The following FBLN2 variants were observed in gnomAD, a reference collection of about 807,000 sequenced individuals.
FBLN2 encodes the protein fibulin-2.
In FBLN2, 81 loss-of-function variants were observed where a neutral mutation model predicts 123.7. The observed-to-expected ratio is 0.65, with a 90% CI of 0.55 to 0.79. The LOEUF is 0.79. Ranked by LOEUF, FBLN2 falls within the 30% of genes least tolerant of loss-of-function variation. The pLI, the probability that FBLN2 is intolerant of heterozygous loss-of-function variation, is 0.00. For missense variants in FBLN2, 1,603 were observed against 1,681.3 expected (o/e 0.95, Z 0.81); for synonymous variants, 699 against 701.4 (o/e 1.00, Z 0.05).
intron 1 of FBLN2, among the ~76,000 whole-genome samples, chr3:13,552,425 A>G (rs943131290): frequency 3.9e-5 from 6 of 152,010 alleles, no homozygotes; most frequent in East Asian, 3.9e-4. Context: ...CGTAAACACC[A>G]TGCATGGCTT....
chr3:13,631,556 C>A (rs1706259734), intron 16 of FBLN2, 99 bp downstream of exon 16: 2 of 1,369,682 alleles, frequency 1.5e-6, no homozygotes, highest in East Asian at 2.5e-5. Flanking sequence ...CACTTGGAGC[C>A]CCCACACCCA....
At chr3:13,578,285 C>G (rs1171873903) in intron 2 of FBLN2, among the ~76,000 whole-genome samples, 1 of 152,144 alleles carries the variant, frequency 6.6e-6, no homozygotes, top group Non-Finnish European at 1.5e-5. Flanking sequence ...GCAGACATCC[C>G]CAGAATCTAA....
chr3:13,576,719 A>AGCC (rs1455636369), intron 2 of FBLN2, among the ~76,000 whole-genome samples: 4 of 110,808 alleles, frequency 3.6e-5, no homozygotes, highest in African/African-American at 1.9e-4. Context: ...GGTCAGGGGG[A>AGCC]TCCCCCCCCC....
rs565943881 is a variant in FBLN2 at position 13,582,966 on chromosome 3, G to A, written c.1306+11305G>A. Reference sequence around the variant, plus strand: ...GGCCTGGCAGGGTTGGGCAGGGGCCGTTCCGCTGCTATGTTTGCCACTCCA... The same window carrying A: ...GGCCTGGCAGGGTTGGGCAGGGGCCATTCCGCTGCTATGTTTGCCACTCCA... On this transcript the variant is annotated intron_variant, in intron 2 of 17. Coordinates refer to ENST00000404922, the MANE Select transcript of FBLN2 (RefSeq NM_001004019.2). 1.1e-4 allele frequency among the ~76,000 whole-genome samples: 17 copies of A among 152,384 alleles called. 1 individual carries two copies. In the South Asian group the frequency reaches 1.2e-3, roughly 11 times the overall value.
intron 2 of FBLN2, among the ~76,000 whole-genome samples, chr3:13,589,200 G>T (rs1005905593): frequency 5.9e-5 from 9 of 152,202 alleles, no homozygotes; most frequent in African/African-American, 1.4e-4. Flanking sequence ...TTTGCATAGA[G>T]TTGGCCCCTA....
chr3:13,570,202 G>A, intron 1 of FBLN2, 113 bp from the exon 2 acceptor site: 2 of 1,155,004 alleles, frequency 1.7e-6, no homozygotes, highest in South Asian at 3.4e-5. Context: ...CTGGGGATGA[G>A]CGCATGCGTG....
chr3:13,618,129 G>A lies in FBLN2; in HGVS notation c.1783G>A (p.Glu595Lys), dbSNP rs772952388. ...GGCCCTGTCACTGGGCACAGAGGCCGAGCTGCCGAACAGCCTGCCGGGCGA... is the reference window on the plus strand; with the variant it reads ...GGCCCTGTCACTGGGCACAGAGGCCAAGCTGCCGAACAGCCTGCCGGGCGA... ...REALSLGTEA[E>K]LPNSLPGDDQ... Residue 595 changes from glutamate to lysine, a missense_variant, in exon 6 of 18, where the codon GAG becomes AAG. By Grantham distance (56) the Glu-to-Lys change is moderately conservative (BLOSUM62 1). Transcript: ENST00000404922. 1.8e-5 allele frequency: 29 copies of A among 1,613,506 alleles called. No individual in the cohort carries two copies. Among genetic ancestry groups the A allele is most frequent in the South Asian group, 3.3e-5 (3 of 91,090 alleles).
In FBLN2 at chr3:13,626,530, G is replaced by A. The variant is rs752447124; in HGVS notation, c.2382G>A (p.Lys794=). 1.1e-5 allele frequency: 17 copies of A among 1,557,634 alleles called. No individual in the cohort carries two copies. Among genetic ancestry groups the A allele is most frequent in the Non-Finnish European group, 1.1e-5 (13 of 1,150,582 alleles). The change falls in exon 10 of 18, where the codon AAG becomes AAA. Residue 794 remains lysine (K), a synonymous_variant. Transcript: ENST00000404922. The stretch of plus-strand genomic sequence containing the variant: ...CACTGGGCTCCTTCCACTGCTACAA[G>A]GCACTCACCTGTGAGCCAGGCTATG... ...VNTLGSFHCY[K]ALTCEPGYAL... is the part of the protein sequence containing the mutation.
intron 2 of FBLN2, among the ~76,000 whole-genome samples, chr3:13,572,174 T>A (rs977183625): frequency 4.6e-5 from 7 of 152,378 alleles, no homozygotes; most frequent in Admixed American, 4.6e-4. Flanking sequence ...CAGCAAATCC[T>A]AATCTCACAA....
intron 2 of FBLN2, among the ~76,000 whole-genome samples, chr3:13,583,720 T>C (rs1458307986): frequency 6.6e-6 from 1 of 152,254 alleles, no homozygotes; most frequent in Non-Finnish European, 1.5e-5. Context: ...AAGGACGTTT[T>C]GGTCAGTGAT....
chr3:13,620,700 T>C (rs1705819459), intron 8 of FBLN2, among the ~76,000 whole-genome samples: 1 of 151,728 alleles, frequency 6.6e-6, no homozygotes, highest in African/African-American at 2.4e-5. Flanking sequence ...GTATGCAGAG[T>C]CTAGGAAGTA....
At chr3:13,606,248 A>C (rs934624973) in intron 2 of FBLN2, among the ~76,000 whole-genome samples, 2 of 152,142 alleles carry the variant, frequency 1.3e-5, no homozygotes, top group African/African-American at 4.8e-5. Context: ...AATTTTCAGG[A>C]GTTTATTATG....
intron 14 of FBLN2, 106 bp downstream of exon 14, chr3:13,630,051 A>T: frequency 1.4e-6 from 2 of 1,464,740 alleles, no homozygotes; most frequent in Non-Finnish European, 1.8e-6. Context: ...TTACACCTTC[A>T]CCCTCACACC....
At chr3:13,582,273 G>A (rs1324190529) in intron 2 of FBLN2, among the ~76,000 whole-genome samples, 1 of 152,224 alleles carries the variant, frequency 6.6e-6, no homozygotes. Flanking sequence ...TCCTGAGGCT[G>A]AACCATGCCT....
chr3:13,617,001 T>C (rs780595443), intron 5 of FBLN2, among the ~76,000 whole-genome samples: 1 of 152,196 alleles, frequency 6.6e-6, no homozygotes, highest in Non-Finnish European at 1.5e-5. Context: ...TCTGAATCCA[T>C]TGTAACACTT....
At chr3:13,599,441 G>T (rs1704951532) in intron 2 of FBLN2, among the ~76,000 whole-genome samples, 1 of 152,228 alleles carries the variant, frequency 6.6e-6, no homozygotes, top group Non-Finnish European at 1.5e-5. Flanking sequence ...GTTAGAGAAA[G>T]GAGGTCAGGA....
chr3:13,610,778 G>A (rs1399493048), intron 4 of FBLN2, among the ~76,000 whole-genome samples: 3 of 152,058 alleles, frequency 2.0e-5, no homozygotes, highest in African/African-American at 4.8e-5. Flanking sequence ...AGGAGTGAGA[G>A]GCTCCATGGT....
chr3:13,574,067 C>T (rs542159559), intron 2 of FBLN2, among the ~76,000 whole-genome samples: 2 of 152,292 alleles, frequency 1.3e-5, no homozygotes, highest in African/African-American at 2.4e-5. Context: ...GTGAGGACTA[C>T]GCGGCTCAGC....
intron 7 of FBLN2, 66 bp from the exon 8 acceptor site, chr3:13,619,664 G>C: frequency 7.4e-7 from 1 of 1,349,706 alleles, no homozygotes; most frequent in Non-Finnish European, 1.0e-6. Context: ...CCAGGGATGG[G>C]GAATGAGCCA....
Sources: allele counts gnomAD v4.1 joint callset (sites outside exome capture counted in the v4.1 genomes callset), GRCh38; gene constraint gnomAD v4.1.1; transcripts MANE v1.5; gene names NCBI Gene and HGNC (gene_info 2026-07-23, HGNC 2026-07-21).